PDXP: variants seen among roughly 807,000 people sequenced by gnomAD.
PDXP encodes chronophin.
A neutral mutation model predicts 14.4 loss-of-function variants in PDXP; 15 were observed. The observed-to-expected ratio is 1.04, with a 90% CI of 0.70 to 1.60. PDXP has a LOEUF of 1.60. Ranked by LOEUF, PDXP falls within the 40% of genes most tolerant of loss-of-function variation. The probability of loss-of-function intolerance (pLI) is 0.00; values close to 1 mark genes in which losing one functional copy is unlikely to be tolerated. For synonymous variants in PDXP, 233 were observed against 205.6 expected (o/e 1.13, Z -1.14); for missense variants, 413 against 427.6 (o/e 0.97, Z 0.30).
At chr22:37,663,603 CAG>C (rs1449596034) in intron 1 of PDXP, among the ~76,000 whole-genome samples, 1 of 152,038 alleles carries the variant, frequency 6.6e-6, no homozygotes, top group Non-Finnish European at 1.5e-5. Flanking sequence ...GAGGGAGTGA[CAG>C]AGATCTGTCC....
intron 1 of PDXP, among the ~76,000 whole-genome samples, chr22:37,661,372 G>C (rs1403349475): frequency 6.7e-6 from 1 of 149,904 alleles, no homozygotes; most frequent in Non-Finnish European, 1.5e-5. Flanking sequence ...GTGGTGTGGT[G>C]TGACAATATT....
intron 1 of PDXP, among the ~76,000 whole-genome samples, chr22:37,661,906 C>A (rs1871575105): frequency 8.7e-6 from 1 of 115,036 alleles, no homozygotes; most frequent in African/African-American, 3.3e-5. Flanking sequence ...TATTCTCTCT[C>A]TTTTTCTTTA....
At chr22:37,665,289 G>A (rs184067518) in intron 1 of PDXP, among the ~76,000 whole-genome samples, 127 of 152,130 alleles carry the variant, frequency 8.3e-4, no homozygotes, top group African/African-American at 2.6e-3. Context: ...GATAAGTGCC[G>A]TAGACATCCC....
Position 37,665,708 on chromosome 22 carries a change from A to G in PDXP, c.728A>G (p.Asp243Gly), listed in dbSNP as rs1921054107. Residue 243 changes from aspartate to glycine, a missense_variant, in exon 2 of 2, where the codon GAC becomes GGC. Coordinates refer to ENST00000215904, the MANE Select transcript of PDXP (RefSeq NM_020315.5). ...ATGGTGGGTGACCGCCTGGAGACCG[A>G]CATCCTCTTTGGCCACCGCTGCGGC... ...TLMVGDRLET[D>G]ILFGHRCGMT... 1.2e-6 allele frequency: 2 copies of G among 1,614,166 alleles called. No homozygotes were observed.
chr22:37,659,966 T>G (rs551508613), intron 1 of PDXP, among the ~76,000 whole-genome samples: 103 of 151,562 alleles, frequency 6.8e-4, no homozygotes, highest in Non-Finnish European at 1.1e-3. Flanking sequence ...TTGTGTGTGT[T>G]CTTCTTTGGT....
chr22:37,664,131 A>G (rs1012121791), intron 1 of PDXP, among the ~76,000 whole-genome samples: 14 of 150,914 alleles, frequency 9.3e-5, no homozygotes, highest in East Asian at 1.9e-4. Flanking sequence ...GATTTTTACC[A>G]TGTTGGTCAG....
chr22:37,660,375 A>G (rs954845561), intron 1 of PDXP, among the ~76,000 whole-genome samples: 9 of 151,900 alleles, frequency 5.9e-5, no homozygotes, highest in Admixed American at 5.2e-4. Context: ...CAACCCTCCA[A>G]CCGCACCCCA....
At position 37,666,035 on chromosome 22, in the gene PDXP, C is replaced by A; in HGVS notation, c.*164C>A. On this transcript the variant is annotated 3_prime_UTR_variant, in exon 2 of 2. Transcript: ENST00000215904. ...AAGGTTTGAGGGCCCTTGCAACCCC[C>A]TCCCAGCAGTGGCTGGGCACTCTTT... The A allele has an allele frequency of 2.9e-6, 2 of 692,224 alleles. No individual in the cohort carries two copies. The highest frequency in any genetic ancestry group is 4.9e-6 in the Non-Finnish European group (2 of 406,504). 42.9% of individuals were successfully genotyped at this position (692,224 alleles called of 1,614,324 possible).
Position 37,658,787 on chromosome 22 carries a change from C to T in PDXP, c.5C>T (p.Ala2Val), listed in dbSNP as rs1182870201. The T allele has an allele frequency of 1.7e-6, 2 of 1,172,248 alleles. No homozygotes were observed. The highest frequency in any genetic ancestry group is 1.1e-6 in the Non-Finnish European group (1 of 949,632). The allele number at this position is 1,172,248 out of a possible 1,614,324, so 72.6% of individuals were successfully genotyped here. Residue 2 changes from alanine to valine, a missense_variant, in exon 1 of 2, where the codon GCG (alanine) becomes GTG (valine). Coordinates refer to ENST00000215904, the MANE Select transcript of PDXP (RefSeq NM_020315.5). MARCERLRGAAL... is the reference protein window; with the variant it reads MVRCERLRGAAL... ...GGCCGGCGGCCGGCCGGCTGCATGG[C>T]GCGCTGCGAGAGGCTGCGCGGAGCG...
chr22:37,666,281 C>T lies in PDXP; in HGVS notation c.*410C>T, dbSNP rs1292352046. Reference sequence around the variant, plus strand: ...CCTTGGGTCCTTGTCAACCAGAGGTCTAGGGAACCACAACCCTTATTGTCC... The same window carrying T: ...CCTTGGGTCCTTGTCAACCAGAGGTTTAGGGAACCACAACCCTTATTGTCC... On this transcript the variant is annotated 3_prime_UTR_variant, in exon 2 of 2. Transcript: ENST00000215904. The T allele has an allele frequency of 3.8e-6, 1 of 265,084 alleles. No homozygotes were observed. The highest frequency in any genetic ancestry group is 2.2e-5 in the African/African-American group (1 of 45,174). 16.4% of individuals were successfully genotyped at this position (265,084 alleles called of 1,614,324 possible). A position where few individuals can be genotyped will look rare whatever the true frequency, so the allele number is the denominator to read the frequency against.
chr22:37,666,906 A>G lies in PDXP; in HGVS notation c.*1035A>G, dbSNP rs191839229. ...CCCCTGTTGTGACCTGTCCTTCCGT[A>G]CTTAATAAAGTGCGCGTGGGAGTGT... On this transcript the variant is annotated 3_prime_UTR_variant, in exon 2 of 2. Transcript: ENST00000215904. 19 of 167,102 alleles carry G rather than the reference A, an allele frequency of 1.1e-4. No homozygotes were observed. The East Asian group carries it at 2.5e-3, about 22-fold the overall frequency. 10.4% of individuals were successfully genotyped at this position (167,102 alleles called of 1,614,324 possible).
chr22:37,665,465 TG>T, intron 1 of PDXP, 89 bp from the exon 2 acceptor site: 2 of 1,080,606 alleles, frequency 1.9e-6, no homozygotes, highest in Non-Finnish European at 1.3e-6. Flanking sequence ...GATTTGACCC[TG>T]GCACAATCCA....
In PDXP at chr22:37,665,858, G is replaced by C. The variant is rs1227966156; in HGVS notation, c.878G>C (p.Gly293Ala). The C allele has an allele frequency of 6.2e-7, 1 of 1,613,028 alleles. No homozygotes were observed. Among genetic ancestry groups the C allele is most frequent in the Non-Finnish European group, 8.5e-7 (1 of 1,179,476 alleles). Residue 293 changes from glycine to alanine, a missense_variant, in exon 2 of 2, where the codon GGG (glycine) becomes GCG (alanine). Physicochemically the swap from Gly to Ala is moderately conservative, Grantham distance 60. Coordinates refer to ENST00000215904, the MANE Select transcript of PDXP (RefSeq NM_020315.5). ...YVESIADLTE[G>A]LED ...GAGAGCATCGCAGACTTGACAGAGGGGTTGGAGGACTGAGCCCACTGCACC... is the reference window on the plus strand; with the variant it reads ...GAGAGCATCGCAGACTTGACAGAGGCGTTGGAGGACTGAGCCCACTGCACC...
chr22:37,660,361 C>T (rs9680606), intron 1 of PDXP, among the ~76,000 whole-genome samples: 2,520 of 149,936 alleles, frequency 0.017, 64 homozygotes, highest in African/African-American at 0.058. Context: ...GCAGGCTTCC[C>T]CTCCAACCCT....
At position 37,665,638 on chromosome 22, in the gene PDXP, G is replaced by A. The variant is rs752569280; in HGVS notation, c.658G>A (p.Glu220Lys). 7 of 1,613,938 alleles carry A rather than the reference G, an allele frequency of 4.3e-6. No homozygotes were observed. Among genetic ancestry groups the A allele is most frequent in the African/African-American group, 2.7e-5 (2 of 75,026 alleles). The change falls in exon 2 of 2, where the codon GAG (glutamate) becomes AAG (lysine). Residue 220 changes from glutamate to lysine, a missense_variant. Glu to Lys is a moderately conservative substitution (Grantham distance 56). Coordinates refer to ENST00000215904, the MANE Select transcript of PDXP (RefSeq NM_020315.5). ...VVGKPSPYMF[E>K]CITENFSIDP... ...GGGCAAGCCCAGCCCCTACATGTTC[G>A]AGTGCATCACGGAGAACTTCAGCAT...
chr22:37,666,013 G>T lies in PDXP; in HGVS notation c.*142G>T. ...GGGGTGGGGCTGGGACCCGGGGAAG[G>T]TTTGAGGGCCCTTGCAACCCCCTCC... On this transcript the variant is annotated 3_prime_UTR_variant, in exon 2 of 2. Coordinates refer to ENST00000215904, the MANE Select transcript of PDXP (RefSeq NM_020315.5). 2 of 849,604 alleles carry T rather than the reference G, an allele frequency of 2.4e-6. No individual in the cohort carries two copies. Among genetic ancestry groups the T allele is most frequent in the East Asian group, 2.7e-5 (1 of 37,424 alleles). 52.6% of individuals were successfully genotyped at this position (849,604 alleles called of 1,614,324 possible).
intron 1 of PDXP, among the ~76,000 whole-genome samples, chr22:37,663,897 A>G (rs1325514554): frequency 1.4e-5 from 2 of 145,330 alleles, no homozygotes; most frequent in African/African-American, 2.6e-5. Flanking sequence ...TTTTAAATGC[A>G]GCTGTGCCTG....
chr22:37,665,841 C>G lies in PDXP; in HGVS notation c.861C>G (p.Ile287Met), dbSNP rs771295866. 2 of 1,613,678 alleles carry G rather than the reference C, an allele frequency of 1.2e-6. No homozygotes were observed. The highest frequency in any genetic ancestry group is 1.3e-5 in the African/African-American group (1 of 74,946). The change falls in exon 2 of 2, where the codon ATC becomes ATG. Residue 287 changes from isoleucine to methionine, a missense_variant. Transcript: ENST00000215904. ...TGCCCCATTACTATGTGGAGAGCATCGCAGACTTGACAGAGGGGTTGGAGG... is the reference window on the plus strand; with the variant it reads ...TGCCCCATTACTATGTGGAGAGCATGGCAGACTTGACAGAGGGGTTGGAGG... ...DLVPHYYVES[I>M]ADLTEGLED
rs149088520 is a variant in PDXP at position 37,661,655 on chromosome 22, C to G, written c.574+2299C>G. ...TGCCCCTGCTAGGAGGCTCGCTCCC[C>G]TGAGGTCAGGATCTTTGTAGTGTTG... On this transcript the variant is annotated intron_variant, in intron 1 of 1. Transcript: ENST00000215904. Among the ~76,000 whole-genome samples the G allele has an allele frequency of 7.2e-4, 110 of 152,256 alleles. 1 individual carries two copies. Among genetic ancestry groups the G allele is most frequent in the Middle Eastern group, 6.8e-3 (2 of 294 alleles).
Sources: allele counts gnomAD v4.1 joint callset (sites outside exome capture counted in the v4.1 genomes callset), GRCh38; gene constraint gnomAD v4.1.1; transcripts MANE v1.5; gene names NCBI Gene and HGNC (gene_info 2026-07-23, HGNC 2026-07-21).